Variants in PLB1 observed in about 807,000 individuals in gnomAD.
PLB1 encodes phospholipase B1.
PLB1 carries 242 observed loss-of-function variants against 227.4 expected under a neutral mutation model. The observed-to-expected ratio is 1.06, with a 90% CI of 0.96 to 1.18. The LOEUF (loss-of-function observed/expected upper bound fraction) is 1.18, where lower values mean the gene tolerates loss of function less well. Ranked by LOEUF, PLB1 falls within the 50% of genes most tolerant of loss-of-function variation. The pLI, the probability that PLB1 is intolerant of heterozygous loss-of-function variation, is 0.00. For synonymous variants in PLB1, 757 were observed against 682.2 expected (o/e 1.11, Z -1.71); for missense variants, 1,858 against 1,816.3 (o/e 1.02, Z -0.42).
Position 28,604,815 on chromosome 2 carries a change from A to G in PLB1, c.2961+56A>G. ...TTTTAGAGGAAGAAATGCAAGGCAG[A>G]ATTGCCAGTTGCTTCCACGAGCATG... is the stretch of plus-strand genomic sequence containing the variant. On this transcript the variant is annotated intron_variant, in intron 41 of 57. Coordinates refer to ENST00000327757, the MANE Select transcript of PLB1 (RefSeq NM_153021.5). The G allele has an allele frequency of 2.7e-6, 4 of 1,492,222 alleles. No homozygotes were observed. The South Asian group carries it at 4.6e-5, about 17-fold the overall frequency. The allele number at this position is 1,492,222 out of a possible 1,614,324, so 92.4% of individuals were successfully genotyped here. A position where few individuals can be genotyped will look rare whatever the true frequency, so the allele number is the denominator to read the frequency against.
At chr2:28,631,891 T>G in intron 54 of PLB1, 145 bp from the exon 55 acceptor site, 3 of 642,450 alleles carry the variant, frequency 4.7e-6, no homozygotes, top group Non-Finnish European at 8.4e-6. Context: ...AAAAGTATGT[T>G]TGCATCCCAC....
intron 1 of PLB1, among the ~76,000 whole-genome samples, chr2:28,511,492 A>G (rs912612670): frequency 3.9e-5 from 6 of 152,118 alleles, no homozygotes; most frequent in African/African-American, 9.7e-5. Flanking sequence ...TACATCACCA[A>G]CGTCCCAACT....
chr2:28,518,349 T>A, intron 2 of PLB1, 117 bp from the exon 3 acceptor site: 1 of 785,116 alleles, frequency 1.3e-6, no homozygotes, highest in Admixed American at 2.0e-5. Context: ...AATTGTTGTT[T>A]CTAGATTTTG....
At chr2:28,602,206 CCTT>C (rs1490831289) in intron 38 of PLB1, among the ~76,000 whole-genome samples, 2 of 152,210 alleles carry the variant, frequency 1.3e-5, no homozygotes, top group Non-Finnish European at 2.9e-5. Context: ...ATGGGACACT[CCTT>C]GGTGGAATTG....
At chr2:28,546,873 C>T (rs1432106836) in intron 14 of PLB1, among the ~76,000 whole-genome samples, 1 of 152,058 alleles carries the variant, frequency 6.6e-6, no homozygotes, top group Non-Finnish European at 1.5e-5. Flanking sequence ...TTCAAGGTTT[C>T]TTTCCAGATT....
intron 18 of PLB1, 21 bp from the exon 19 acceptor site, chr2:28,565,259 C>T: frequency 6.2e-7 from 1 of 1,603,164 alleles, no homozygotes; most frequent in Admixed American, 1.7e-5. Flanking sequence ...AGAAACTCAC[C>T]CCCTCATTGT....
At chr2:28,640,080 A>G (rs1041568513) in intron 56 of PLB1, among the ~76,000 whole-genome samples, 1 of 152,216 alleles carries the variant, frequency 6.6e-6, no homozygotes, top group Non-Finnish European at 1.5e-5. Flanking sequence ...ACAGAAAGTG[A>G]GATCATGGGC....
intron 20 of PLB1, among the ~76,000 whole-genome samples, chr2:28,568,389 A>G (rs1677422439): frequency 6.6e-6 from 1 of 152,244 alleles, no homozygotes; most frequent in Admixed American, 6.5e-5. Flanking sequence ...ATGTTACCCC[A>G]CAGGTGGATG....
Position 28,532,101 on chromosome 2 carries a change from T to G in PLB1, c.469-7T>G. 2 of 1,607,948 alleles carry G rather than the reference T, an allele frequency of 1.2e-6. No individual in the cohort carries two copies. Among genetic ancestry groups the G allele is most frequent in the Non-Finnish European group, 1.7e-6 (2 of 1,175,864 alleles). Reference sequence around the variant, plus strand: ...TCTCCTTTTCATGCTGTTGCCCTTTTATTCAGCAACTTGACTTTCAATTTG... The same window carrying G: ...TCTCCTTTTCATGCTGTTGCCCTTTGATTCAGCAACTTGACTTTCAATTTG... On this transcript the variant is annotated splice_region_variant and splice_polypyrimidine_tract_variant and intron_variant, in intron 8 of 57. Coordinates refer to ENST00000327757, the MANE Select transcript of PLB1 (RefSeq NM_153021.5).
intron 33 of PLB1, chr2:28,596,027 A>G (rs1471241874): frequency 6.6e-6 from 1 of 152,232 alleles, no homozygotes; most frequent in Non-Finnish European, 1.5e-5. Context: ...GTTTGGGACC[A>G]TTCAAAGGAT....
rs1210522783 is a variant in PLB1 at position 28,518,521 on chromosome 2, C to A, written c.173C>A (p.Pro58His). 8 of 1,611,616 alleles carry A rather than the reference C, an allele frequency of 5.0e-6. No individual in the cohort carries two copies. The highest frequency in any genetic ancestry group is 6.8e-6 in the Non-Finnish European group (8 of 1,177,850). ...CCAAATAAATTAGGAGTGAATATGC[C>A]TTCTAAATCAGGTATGTAACCCTTG... ...CNPNKLGVNM[P>H]SKSVHSLKPS... The change falls in exon 3 of 58, where the codon CCT becomes CAT. Residue 58 changes from proline (P) to histidine (H), a missense_variant. Transcript: ENST00000327757.
At chr2:28,585,563 C>T in intron 25 of PLB1, 198 bp from the exon 26 acceptor site, 1 of 532,492 alleles carries the variant, frequency 1.9e-6, no homozygotes, top group Non-Finnish European at 3.5e-6. Flanking sequence ...AGGCGTGAGC[C>T]ACCGCGCCTG....
At chr2:28,543,369 A>C in intron 14 of PLB1, 101 bp downstream of exon 14, 1 of 1,265,470 alleles carries the variant, frequency 7.9e-7, no homozygotes, top group Non-Finnish European at 1.1e-6. Context: ...GCGCCCCAGG[A>C]TCCCAGGACA....
At chr2:28,517,948 C>G (rs1379799813) in intron 2 of PLB1, among the ~76,000 whole-genome samples, 1 of 150,984 alleles carries the variant, frequency 6.6e-6, no homozygotes, top group African/African-American at 2.4e-5. Context: ...GATCTCAGCT[C>G]ATGGCAGCCT....
chr2:28,625,601 C>T (rs1687641099), intron 50 of PLB1, among the ~76,000 whole-genome samples: 1 of 152,044 alleles, frequency 6.6e-6, no homozygotes, highest in African/African-American at 2.4e-5. Context: ...AAGCCAACTG[C>T]TTAGAGGGCC....
chr2:28,581,503 AAAT>A (rs1275128835), intron 23 of PLB1, among the ~76,000 whole-genome samples: 4 of 131,354 alleles, frequency 3.0e-5, no homozygotes, highest in Non-Finnish European at 4.8e-5. Flanking sequence ...ATAAATAAAT[AAAT>A]AAATAAATAA....
intron 6 of PLB1, among the ~76,000 whole-genome samples, chr2:28,527,980 C>A (rs2148189783): frequency 6.6e-6 from 1 of 152,220 alleles, no homozygotes; most frequent in East Asian, 1.9e-4. Context: ...CTGAACCCAG[C>A]TCAGAACTTT....
Position 28,601,924 on chromosome 2 carries a change from T to A in PLB1, c.2633T>A (p.Val878Asp). 2 of 1,611,370 alleles carry A rather than the reference T, an allele frequency of 1.2e-6. No individual in the cohort carries two copies. Among genetic ancestry groups the A allele is most frequent in the Non-Finnish European group, 1.7e-6 (2 of 1,177,560 alleles). ...AATCTGTATTCTGCAGCCAACTTTG[T>A]TCACCATCTCCGCAATGCCTTGGAC... ...DSNLYSAANF[V>D]HHLRNALDVL... Residue 878 changes from valine (V) to aspartate (D), a missense_variant, in exon 38 of 58, where the codon GTT (valine) becomes GAT (aspartate). Physicochemically the swap from Val to Asp is radical, Grantham distance 152 (BLOSUM62 -3). Transcript: ENST00000327757.
intron 10 of PLB1, 140 bp downstream of exon 10, chr2:28,538,521 T>C (rs1007487408): frequency 1.9e-5 from 13 of 701,118 alleles, no homozygotes; most frequent in Non-Finnish European, 2.6e-5. Flanking sequence ...GCACCCCATC[T>C]TCTCATCCTT....
Sources: allele counts gnomAD v4.1 joint callset (sites outside exome capture counted in the v4.1 genomes callset), GRCh38; gene constraint gnomAD v4.1.1; transcripts MANE v1.5; gene names NCBI Gene and HGNC (gene_info 2026-07-23, HGNC 2026-07-21).